The following ZSWIM3 variants were observed in gnomAD, a reference collection of about 807,000 sequenced individuals.
ZSWIM3 encodes the protein zinc finger SWIM domain-containing protein 3.
A neutral mutation model predicts 47.5 loss-of-function variants in ZSWIM3; 27 were observed. That is an observed-to-expected ratio of 0.57 (90% CI 0.42 to 0.78). ZSWIM3 has a LOEUF of 0.78. ZSWIM3 is among the 30% of genes least tolerant of loss of function. The pLI is 0.00. For missense variants in ZSWIM3, 689 were observed against 861.3 expected (o/e 0.80, Z 2.50); for synonymous variants, 333 against 333.9 (o/e 1.00, Z 0.03).
chr20:45,877,887 A>C lies in ZSWIM3; in HGVS notation c.1329A>C (p.Arg443Ser). 1 of 1,614,126 alleles carries C rather than the reference A, an allele frequency of 6.2e-7. No individual in the cohort carries two copies. Among genetic ancestry groups the C allele is most frequent in the South Asian group, 1.1e-5 (1 of 91,086 alleles). Residue 443 changes from arginine (R) to serine (S), a missense_variant, in exon 2 of 2, where the codon AGA becomes AGC. Coordinates refer to ENST00000255152, the MANE Select transcript of ZSWIM3 (RefSeq NM_080752.4). ...NLPTPPPKLK[R>S]ARPASMPLKS... is the part of the protein sequence containing the mutation. ...CCACACCTCCTCCCAAATTAAAGAGAGCTCGGCCGGCAAGCATGCCACTGA... is the reference window on the plus strand; with the variant it reads ...CCACACCTCCTCCCAAATTAAAGAGCGCTCGGCCGGCAAGCATGCCACTGA...
chr20:45,869,238 G>A (rs1985912456), intron 1 of ZSWIM3, among the ~76,000 whole-genome samples: 1 of 151,988 alleles, frequency 6.6e-6, no homozygotes, highest in Non-Finnish European at 1.5e-5. Flanking sequence ...TTTCTGGGTG[G>A]CCGGGCGCAG....
intron 1 of ZSWIM3, among the ~76,000 whole-genome samples, chr20:45,861,299 C>T (rs567677046): frequency 4.6e-5 from 7 of 152,132 alleles, no homozygotes; most frequent in African/African-American, 1.7e-4. Flanking sequence ...GCCTGTAGTA[C>T]CAGCTACTCT....
At chr20:45,860,808 T>G (rs1010022739) in intron 1 of ZSWIM3, among the ~76,000 whole-genome samples, 1 of 152,226 alleles carries the variant, frequency 6.6e-6, no homozygotes, top group Non-Finnish European at 1.5e-5. Flanking sequence ...TCTGCAACCT[T>G]AATTCTCCTT....
At chr20:45,869,646 A>C (rs967837531) in intron 1 of ZSWIM3, among the ~76,000 whole-genome samples, 5 of 152,196 alleles carry the variant, frequency 3.3e-5, no homozygotes, top group African/African-American at 1.2e-4. Context: ...TCATTGTCTC[A>C]GTGGCCTGGA....
chr20:45,857,622 G>A lies in ZSWIM3; in HGVS notation c.-204G>A, dbSNP rs1254919273. 1.5e-5 allele frequency: 10 copies of A among 686,708 alleles called. No homozygotes were observed. The highest frequency in any genetic ancestry group is 2.5e-5 in the Non-Finnish European group (10 of 402,708). 42.5% of individuals were successfully genotyped at this position (686,708 alleles called of 1,614,324 possible). ...TGAGTGTCATTTCCCCTGTCAGATA[G>A]CAAATACACCCCCTTCCTCTTGTAA... On this transcript the variant is annotated 5_prime_UTR_variant, in exon 1 of 2. Transcript: ENST00000255152.
chr20:45,869,534 A>G (rs1189945814), intron 1 of ZSWIM3, among the ~76,000 whole-genome samples: 3 of 151,778 alleles, frequency 2.0e-5, no homozygotes. Flanking sequence ...GAAAAAAAAA[A>G]GAAATGTGTC....
chr20:45,877,501 GAGA>G lies in ZSWIM3; in HGVS notation c.949_951del (p.Lys317del), dbSNP rs760810998. The G allele has an allele frequency of 1.9e-6, 3 of 1,614,160 alleles. No homozygotes were observed. The highest frequency in any genetic ancestry group is 1.1e-5 in the South Asian group (1 of 91,066). ...CATCTACCACACAACCCGACTCTTG[GAGA>G]AGAAGTTGCATCGTAGTTCAGCAAA... On this transcript the variant is annotated inframe_deletion, in exon 2 of 2. Transcript: ENST00000255152.
chr20:45,858,807 A>AT, intron 1 of ZSWIM3, among the ~76,000 whole-genome samples: 1 of 151,942 alleles, frequency 6.6e-6, no homozygotes, highest in Admixed American at 6.6e-5. Flanking sequence ...GATAAATGTT[A>AT]TTTTTTTGCA....
chr20:45,866,597 G>A (rs547393606), intron 1 of ZSWIM3, among the ~76,000 whole-genome samples: 2 of 152,280 alleles, frequency 1.3e-5, no homozygotes, highest in East Asian at 3.9e-4. Flanking sequence ...CTTGAGCCCA[G>A]AAGTTCAAGA....
At chr20:45,858,391 T>A (rs980162980) in intron 1 of ZSWIM3, among the ~76,000 whole-genome samples, 4 of 152,196 alleles carry the variant, frequency 2.6e-5, no homozygotes, top group African/African-American at 9.7e-5. Context: ...TTTTAGTTCT[T>A]ATATATTTGT....
At chr20:45,859,792 C>CAAAAAAAA (rs765560893) in intron 1 of ZSWIM3, among the ~76,000 whole-genome samples, 3 of 52,098 alleles carry the variant, frequency 5.8e-5, no homozygotes, top group African/African-American at 6.2e-5. Flanking sequence ...GAGAGGAATA[C>CAAAAAAAA]AAAAAAAAAA....
chr20:45,876,747 C>A lies in ZSWIM3; in HGVS notation c.189C>A (p.Thr63=). The change falls in exon 2 of 2, where the codon ACC becomes ACA. Residue 63 remains threonine, a synonymous_variant. Transcript: ENST00000255152. The part of the protein sequence containing the change: ...YVQVKFVCIR[T]QSNRKRTREA... ...AGGTGAAATTTGTCTGCATTCGGAC[C>A]CAATCAAACAGGAAGAGAACGCGGG... The A allele has an allele frequency of 6.2e-7, 1 of 1,613,686 alleles. No individual in the cohort carries two copies. Among genetic ancestry groups the A allele is most frequent in the South Asian group, 1.1e-5 (1 of 91,020 alleles).
chr20:45,869,008 G>C (rs1179502391), intron 1 of ZSWIM3, among the ~76,000 whole-genome samples: 2 of 150,176 alleles, frequency 1.3e-5, no homozygotes, highest in Admixed American at 6.6e-5. Flanking sequence ...CACCATGTTG[G>C]TCAGGCTGGT....
intron 1 of ZSWIM3, 136 bp downstream of exon 1, chr20:45,858,116 A>C (rs1249657647): frequency 1.1e-6 from 1 of 941,870 alleles, no homozygotes; most frequent in African/African-American, 1.6e-5. Flanking sequence ...CTCATTGAGC[A>C]CCTGCTGTGT....
In ZSWIM3 at chr20:45,878,724, C is replaced by G; in HGVS notation, c.*75C>G. The G allele has an allele frequency of 6.6e-7, 1 of 1,516,162 alleles. No individual in the cohort carries two copies. Among genetic ancestry groups the G allele is most frequent in the Non-Finnish European group, 8.8e-7 (1 of 1,133,240 alleles). The allele number at this position is 1,516,162 out of a possible 1,614,324, so 93.9% of individuals were successfully genotyped here. A position where few individuals can be genotyped will look rare whatever the true frequency, so the allele number is the denominator to read the frequency against. On this transcript the variant is annotated 3_prime_UTR_variant, in exon 2 of 2. Transcript: ENST00000255152. ...GAGAGTTTAAAGTGGGCAGGACATA[C>G]TAGGGTTTAGCATTTTAGCCAATGT...
intron 1 of ZSWIM3, among the ~76,000 whole-genome samples, chr20:45,875,940 C>T (rs1184088550): frequency 2.0e-5 from 3 of 152,054 alleles, no homozygotes; most frequent in African/African-American, 7.2e-5. Flanking sequence ...TCAAGCAATC[C>T]TCCAGCCTCA....
At position 45,878,642 on chromosome 20, in the gene ZSWIM3, A is replaced by G; in HGVS notation, c.2084A>G (p.His695Arg). ...EGFPPATAVM[H>R]Y ...TTCCCTCCTGCTACAGCTGTGATGC[A>G]TTATTGAAGCACTTTAGCTGAAGCA... The change falls in exon 2 of 2, where the codon CAT (histidine) becomes CGT (arginine). Residue 695 changes from histidine to arginine, a missense_variant. His to Arg is a conservative substitution (Grantham distance 29). Transcript: ENST00000255152. The G allele has an allele frequency of 1.9e-6, 3 of 1,605,190 alleles. No homozygotes were observed. Among genetic ancestry groups the G allele is most frequent in the Non-Finnish European group, 1.7e-6 (2 of 1,173,796 alleles).
intron 1 of ZSWIM3, among the ~76,000 whole-genome samples, chr20:45,870,145 C>T (rs1985941188): frequency 1.3e-5 from 2 of 151,610 alleles, no homozygotes; most frequent in Admixed American, 6.6e-5. Flanking sequence ...AGTTTGAGAC[C>T]AGCCTGACCA....
intron 1 of ZSWIM3, among the ~76,000 whole-genome samples, chr20:45,869,326 C>T (rs1004783722): frequency 2.0e-5 from 3 of 151,652 alleles, no homozygotes; most frequent in Admixed American, 6.6e-5. Flanking sequence ...CAAAACCAGC[C>T]TGGCCACATG....
Sources: gnomAD v4.1 joint callset for allele counts (sites outside exome capture counted in the v4.1 genomes callset) on GRCh38, gnomAD v4.1.1 for gene constraint, MANE v1.5 for transcripts, NCBI Gene and HGNC (gene_info 2026-07-23, HGNC 2026-07-21) for gene names.